The following AP4E1 variants were observed in gnomAD, a reference collection of about 807,000 sequenced individuals.
The protein encoded by AP4E1 is AP-4 complex subunit epsilon-1.
A neutral mutation model predicts 128.2 loss-of-function variants in AP4E1; 56 were observed. The observed-to-expected ratio is 0.44, with a 90% CI of 0.35 to 0.55. AP4E1 has a LOEUF of 0.55. Among genes scored for constraint, AP4E1 ranks in the 20% least tolerant of loss-of-function variants. The pLI is 0.00. For synonymous variants in AP4E1, 484 were observed against 473.1 expected (o/e 1.02, Z -0.30); for missense variants, 1,324 against 1,307.7 (o/e 1.01, Z -0.19).
At chr15:50,924,975 A>C in intron 4 of AP4E1, 123 bp from the exon 5 acceptor site, 1 of 1,130,044 alleles carries the variant, frequency 8.8e-7, no homozygotes, top group Non-Finnish European at 1.3e-6. Flanking sequence ...ATAAGTTTGG[A>C]TGTACAAATT....
intron 1 of AP4E1, among the ~76,000 whole-genome samples, chr15:50,911,115 G>C (rs527709600): frequency 7.9e-5 from 12 of 152,282 alleles, no homozygotes; most frequent in African/African-American, 2.9e-4. Flanking sequence ...TACGTCACTA[G>C]TGGCTTTTGA....
chr15:50,945,426 G>A (rs878988474), intron 10 of AP4E1: 5 of 777,260 alleles, frequency 6.4e-6, no homozygotes, highest in South Asian at 1.3e-5. Flanking sequence ...TCATTTTTAC[G>A]GCAGCAAATG....
At chr15:50,992,344 A>G (rs2064817246) in intron 16 of AP4E1, among the ~76,000 whole-genome samples, 1 of 152,194 alleles carries the variant, frequency 6.6e-6, no homozygotes, top group African/African-American at 2.4e-5. Flanking sequence ...ACAAGGAGTC[A>G]GTGCCCCAAC....
chr15:50,921,355 CT>C (rs1047205966), intron 3 of AP4E1, among the ~76,000 whole-genome samples: 46 of 145,654 alleles, frequency 3.2e-4, no homozygotes, highest in Admixed American at 2.8e-4. Context: ...TTTACCTTTT[CT>C]TTTTTTTTTT....
chr15:50,930,656 A>G, intron 6 of AP4E1, 149 bp from the exon 7 acceptor site: 1 of 791,850 alleles, frequency 1.3e-6, no homozygotes, highest in Non-Finnish European at 2.0e-6. Flanking sequence ...TTTATCATGG[A>G]AGATATTATA....
chr15:50,987,504 C>G (rs929024046), intron 16 of AP4E1, among the ~76,000 whole-genome samples: 2 of 152,156 alleles, frequency 1.3e-5, no homozygotes, highest in African/African-American at 4.8e-5. Context: ...TATGTTGTGT[C>G]TTTGTTCTTA....
intron 6 of AP4E1, among the ~76,000 whole-genome samples, chr15:50,929,965 A>G (rs2063812355): frequency 6.6e-6 from 1 of 152,054 alleles, no homozygotes; most frequent in South Asian, 2.1e-4. Context: ...CCCCAGTCCA[A>G]GAGATTACTC....
At chr15:50,924,586 T>A (rs1031463486) in intron 4 of AP4E1, among the ~76,000 whole-genome samples, 5 of 152,160 alleles carry the variant, frequency 3.3e-5, no homozygotes, top group Non-Finnish European at 7.4e-5. Flanking sequence ...GACCTTTAAG[T>A]CATATACTAT....
At chr15:50,977,785 C>G (rs2064578986) in intron 15 of AP4E1, among the ~76,000 whole-genome samples, 1 of 140,872 alleles carries the variant, frequency 7.1e-6, no homozygotes, top group Admixed American at 7.4e-5. Flanking sequence ...TTTTGGCTCA[C>G]TGCAACCTCC....
In AP4E1 at chr15:50,926,648, G is replaced by T. The variant is rs142595196; in HGVS notation, c.542+1429G>T. ...GAGTCTTGCTCGGTCGCCCAGGCTG[G>T]AGTGCAGTGGTGTGATCTTGGCTCA... On this transcript the variant is annotated intron_variant, in intron 5 of 20. Transcript: ENST00000261842. Among the ~76,000 whole-genome samples, 1,097 of 151,574 alleles carry T rather than the reference G, an allele frequency of 7.2e-3. 13 individuals are homozygous for T. The highest frequency in any genetic ancestry group is 0.028 in the Middle Eastern group (8 of 290).
intron 5 of AP4E1, among the ~76,000 whole-genome samples, chr15:50,926,253 C>T (rs911098401): frequency 2.6e-5 from 4 of 151,926 alleles, no homozygotes; most frequent in Non-Finnish European, 5.9e-5. Flanking sequence ...TTCTCTGCCT[C>T]AGCCTCCTGA....
At chr15:50,983,207 A>G (rs1216131149) in intron 15 of AP4E1, among the ~76,000 whole-genome samples, 5 of 152,208 alleles carry the variant, frequency 3.3e-5, no homozygotes, top group Non-Finnish European at 4.4e-5. Context: ...CTGTTCTGGC[A>G]TCTTTGGTGT....
At chr15:51,002,100 A>G (rs959715221) in intron 20 of AP4E1, among the ~76,000 whole-genome samples, 3 of 152,060 alleles carry the variant, frequency 2.0e-5, no homozygotes, top group Non-Finnish European at 4.4e-5. Context: ...AGGCAGGTCT[A>G]GAACTCCTGA....
At chr15:50,946,467 G>A (rs1567227949) in intron 10 of AP4E1, among the ~76,000 whole-genome samples, 1 of 151,596 alleles carries the variant, frequency 6.6e-6, no homozygotes, top group Non-Finnish European at 1.5e-5. Flanking sequence ...TTGGCTTTTC[G>A]ACTCTTACAA....
intron 16 of AP4E1, among the ~76,000 whole-genome samples, chr15:50,991,624 A>G (rs2064807683): frequency 6.6e-6 from 1 of 152,166 alleles, no homozygotes; most frequent in Non-Finnish European, 1.5e-5. Context: ...AGGGATACTC[A>G]GCAGTAAAAA....
At chr15:51,000,943 A>G (rs958490536) in intron 19 of AP4E1, 83 bp from the exon 20 acceptor site, 8 of 1,111,838 alleles carry the variant, frequency 7.2e-6, no homozygotes, top group African/African-American at 1.6e-5. Flanking sequence ...ATTATGTTTT[A>G]TTCTCATGAG....
intron 13 of AP4E1, among the ~76,000 whole-genome samples, chr15:50,958,069 A>G (rs1313923801): frequency 6.6e-6 from 1 of 152,140 alleles, no homozygotes; most frequent in Non-Finnish European, 1.5e-5. Context: ...GACATACTAA[A>G]TCAGAATATC....
intron 14 of AP4E1, among the ~76,000 whole-genome samples, chr15:50,964,955 C>CCACACACACACA (rs55825810): frequency 0.14 from 18,333 of 131,232 alleles, 1,561 homozygotes; most frequent in Middle Eastern, 0.19. Context: ...CCTCCCCCTA[C>CCACACACACACA]CACACACACA....
At chr15:50,923,352 G>T (rs139636319) in intron 3 of AP4E1, among the ~76,000 whole-genome samples, 1 of 152,148 alleles carries the variant, frequency 6.6e-6, no homozygotes, top group African/African-American at 2.4e-5. Context: ...AAGCCAATGA[G>T]TATATTTAAT....
Sources: allele counts gnomAD v4.1 joint callset (sites outside exome capture counted in the v4.1 genomes callset), GRCh38; gene constraint gnomAD v4.1.1; transcripts MANE v1.5; gene names NCBI Gene and HGNC (gene_info 2026-07-23, HGNC 2026-07-21).